The following ATP2B1 variants were observed in gnomAD, a reference collection of about 807,000 sequenced individuals.
The protein encoded by ATP2B1 is ATPase plasma membrane Ca2+ transporting 1.
ATP2B1 carries 14 observed loss-of-function variants against 124.2 expected under a neutral mutation model. The observed-to-expected ratio is 0.11, with a 90% confidence interval of 0.07 to 0.18. ATP2B1 has a LOEUF of 0.18. ATP2B1 is among the 10% of genes least tolerant of loss of function. The pLI, the probability that ATP2B1 is intolerant of heterozygous loss-of-function variation, is 1.00. For missense variants in ATP2B1, 763 were observed against 1,466.1 expected (o/e 0.52, Z 7.83); for synonymous variants, 449 against 492.4 (o/e 0.91, Z 1.17).
intron 1 of ATP2B1, among the ~76,000 whole-genome samples, chr12:89,656,775 C>G (rs1886002006): frequency 6.6e-6 from 1 of 152,176 alleles, no homozygotes; most frequent in Non-Finnish European, 1.5e-5. Flanking sequence ...GACCCCCTAT[C>G]TAAAGAAATT....
At chr12:89,666,225 A>C (rs1887304596) in intron 1 of ATP2B1, among the ~76,000 whole-genome samples, 1 of 152,136 alleles carries the variant, frequency 6.6e-6, no homozygotes, top group South Asian at 2.1e-4. Flanking sequence ...AACTCACCAA[A>C]GTGCAAAGAA....
intron 1 of ATP2B1, among the ~76,000 whole-genome samples, chr12:89,659,750 G>A (rs527772184): frequency 4.6e-5 from 7 of 151,644 alleles, no homozygotes; most frequent in Non-Finnish European, 8.8e-5. Context: ...GTGAAACCCC[G>A]TCTCTACTAA....
chr12:89,648,687 G>C (rs1884833946), intron 2 of ATP2B1, among the ~76,000 whole-genome samples: 1 of 152,238 alleles, frequency 6.6e-6, no homozygotes, highest in Non-Finnish European at 1.5e-5. Flanking sequence ...GACTAAAAGA[G>C]AGCTGAGTGC....
At chr12:89,591,747 C>A (rs906967015) in intron 20 of ATP2B1, among the ~76,000 whole-genome samples, 3 of 151,904 alleles carry the variant, frequency 2.0e-5, no homozygotes, top group African/African-American at 7.3e-5. Flanking sequence ...TAGGGTGTCA[C>A]CGACCATGAA....
At chr12:89,680,060 T>C (rs1889145690) in intron 1 of ATP2B1, among the ~76,000 whole-genome samples, 1 of 152,090 alleles carries the variant, frequency 6.6e-6, no homozygotes, top group Admixed American at 6.6e-5. Flanking sequence ...TTCACTATTT[T>C]GACAATAAGC....
intron 8 of ATP2B1, among the ~76,000 whole-genome samples, chr12:89,626,171 A>G (rs1880843965): frequency 6.6e-6 from 1 of 152,244 alleles, no homozygotes; most frequent in African/African-American, 2.4e-5. Context: ...ATAACCTCAC[A>G]GGTTGCCTTT....
At chr12:89,697,861 A>G (rs1435271537) in intron 1 of ATP2B1, among the ~76,000 whole-genome samples, 1 of 151,924 alleles carries the variant, frequency 6.6e-6, no homozygotes, top group Non-Finnish European at 1.5e-5. Flanking sequence ...TTTTTCAGTT[A>G]CAGGCTTCAT....
intron 1 of ATP2B1, among the ~76,000 whole-genome samples, chr12:89,680,789 T>C (rs1889244836): frequency 6.6e-6 from 1 of 152,048 alleles, no homozygotes; most frequent in Non-Finnish European, 1.5e-5. Context: ...AGACATGTAC[T>C]AAACTAGTTT....
chr12:89,639,066 CAAG>C, intron 3 of ATP2B1, among the ~76,000 whole-genome samples: 2 of 152,222 alleles, frequency 1.3e-5, no homozygotes, highest in African/African-American at 4.8e-5. Context: ...ATTTTCACAT[CAAG>C]TAATATTAGG....
At chr12:89,671,468 T>C (rs534137224) in intron 1 of ATP2B1, among the ~76,000 whole-genome samples, 4 of 152,324 alleles carry the variant, frequency 2.6e-5, no homozygotes, top group African/African-American at 4.8e-5. Context: ...GGAGGACACC[T>C]GTGCCAGACA....
intron 12 of ATP2B1, among the ~76,000 whole-genome samples, chr12:89,615,796 T>C (rs1878852150): frequency 6.6e-6 from 1 of 152,228 alleles, no homozygotes; most frequent in Non-Finnish European, 1.5e-5. Flanking sequence ...TAGACAAAGC[T>C]GGTATTTTAA....
At chr12:89,627,451 T>C (rs1366547772) in intron 7 of ATP2B1, among the ~76,000 whole-genome samples, 1 of 151,544 alleles carries the variant, frequency 6.6e-6, no homozygotes, top group African/African-American at 2.4e-5. Flanking sequence ...CCCAAGCATT[T>C]CGGATAAGGG....
Position 89,589,331 on chromosome 12 carries a change from G to A in ATP2B1, c.*1653C>T, listed in dbSNP as rs1873143912. On this transcript the variant is annotated 3_prime_UTR_variant, in exon 21 of 21. Coordinates refer to ENST00000428670, the MANE Select transcript of ATP2B1 (RefSeq NM_001366521.1). The stretch of plus-strand genomic sequence containing the variant: ...CCTAACACATGCCAGTTTCTAAAGG[G>A]TAAAGACAGAGGCAAAAAAGAGAAG... 1 of 152,430 alleles carries A rather than the reference G, an allele frequency of 6.6e-6. No homozygotes were observed. Among genetic ancestry groups the A allele is most frequent in the Non-Finnish European group, 1.5e-5 (1 of 68,008 alleles). The allele number at this position is 152,430 out of a possible 1,614,324, so 9.4% of individuals were successfully genotyped here. A position where few individuals can be genotyped will look rare whatever the true frequency, so the allele number is the denominator to read the frequency against.
Position 89,599,182 on chromosome 12 carries a change from C to A in ATP2B1, c.3286G>T (p.Ala1096Ser). ...LAEDVEEIDH[A>S]ERELRRGQIL... ...TGGCCACGCCGCAACTCCCTTTCAG[C>A]GTGATCAATCTCTTCAACATCCTCT... Residue 1096 changes from alanine to serine, a missense_variant, in exon 20 of 21, where the codon GCT becomes TCT. By Grantham distance (99) the Ala-to-Ser change is moderately conservative (BLOSUM62 1). Transcript: ENST00000428670. The A allele has an allele frequency of 6.2e-7, 1 of 1,614,170 alleles. No individual in the cohort carries two copies. Among genetic ancestry groups the A allele is most frequent in the South Asian group, 1.1e-5 (1 of 91,086 alleles).
intron 11 of ATP2B1, among the ~76,000 whole-genome samples, chr12:89,619,516 G>T (rs1303911812): frequency 6.6e-6 from 1 of 151,748 alleles, no homozygotes; most frequent in African/African-American, 2.4e-5. Context: ...GGAGGCTGAG[G>T]CAGGAGAATC....
chr12:89,701,325 C>T (rs767075311), intron 1 of ATP2B1, among the ~76,000 whole-genome samples: 2 of 152,188 alleles, frequency 1.3e-5, no homozygotes, highest in Non-Finnish European at 2.9e-5. Flanking sequence ...CCGGGTTGTA[C>T]ACTTCCCATT....
At chr12:89,664,345 G>A (rs1365985499) in intron 1 of ATP2B1, among the ~76,000 whole-genome samples, 1 of 152,172 alleles carries the variant, frequency 6.6e-6, no homozygotes, top group Non-Finnish European at 1.5e-5. Flanking sequence ...TAATTAAGCA[G>A]AGTATATGAT....
chr12:89,689,631 C>G (rs1890330565), intron 1 of ATP2B1, among the ~76,000 whole-genome samples: 1 of 152,096 alleles, frequency 6.6e-6, no homozygotes, highest in Non-Finnish European at 1.5e-5. Flanking sequence ...TATTCCACAT[C>G]TGGCCCATAT....
intron 1 of ATP2B1, among the ~76,000 whole-genome samples, chr12:89,657,084 G>C (rs891971895): frequency 6.6e-6 from 1 of 152,040 alleles, no homozygotes; most frequent in African/African-American, 2.4e-5. Flanking sequence ...AAGTTAACAT[G>C]CCCAACAATG....
Sources: gnomAD v4.1 joint callset for allele counts (sites outside exome capture counted in the v4.1 genomes callset) on GRCh38, gnomAD v4.1.1 for gene constraint, MANE v1.5 for transcripts, NCBI Gene and HGNC (gene_info 2026-07-23, HGNC 2026-07-21) for gene names.